The following ZFHX3 variants were observed in gnomAD, a reference collection of about 807,000 sequenced individuals.
ZFHX3 encodes the protein zinc finger homeobox protein 3.
ZFHX3 carries 42 observed loss-of-function variants against 279.1 expected under a neutral mutation model. That is an observed-to-expected ratio of 0.15 (90% CI 0.12 to 0.19). ZFHX3 has a LOEUF of 0.19. ZFHX3 is among the 10% of genes least tolerant of loss of function. The probability of loss-of-function intolerance (pLI) is 1.00; values close to 1 mark genes in which losing one functional copy is unlikely to be tolerated. For synonymous variants in ZFHX3, 2,293 were observed against 1,957.8 expected (o/e 1.17, Z -4.52); for missense variants, 4,981 against 4,754.0 (o/e 1.05, Z -1.40).
intron 1 of ZFHX3, among the ~76,000 whole-genome samples, chr16:73,745,115 T>A (rs1391874493): frequency 2.6e-5 from 4 of 152,208 alleles, no homozygotes; most frequent in Non-Finnish European, 5.9e-5. Flanking sequence ...ACCACTTTTC[T>A]TTATAGGAAG....
At chr16:73,407,889 A>G (rs1239062991) in intron 3 of ZFHX3, among the ~76,000 whole-genome samples, 1 of 152,138 alleles carries the variant, frequency 6.6e-6, no homozygotes, top group African/African-American at 2.4e-5. Context: ...TTTTATGGCA[A>G]AATGCTGGCT....
At chr16:73,446,139 A>T (rs2018181477) in intron 3 of ZFHX3, among the ~76,000 whole-genome samples, 1 of 152,156 alleles carries the variant, frequency 6.6e-6, no homozygotes, top group African/African-American at 2.4e-5. Flanking sequence ...TAAGGTGTGG[A>T]ATCTTAAGTC....
intron 3 of ZFHX3, among the ~76,000 whole-genome samples, chr16:72,928,662 T>C: frequency 6.6e-6 from 1 of 152,208 alleles, no homozygotes; most frequent in Non-Finnish European, 1.5e-5. Flanking sequence ...AGTAGCACTG[T>C]TCTGATCCAC....
exon 7 of ZFHX3, chr16:73,131,023 C>T: frequency 1.5e-6 from 2 of 1,303,240 alleles, no homozygotes; most frequent in South Asian, 1.2e-5. Flanking sequence ...TGGAGTTAGA[C>T]CCCCTGGGCT....
intron 4 of ZFHX3, among the ~76,000 whole-genome samples, chr16:73,281,770 G>T (rs540957761): frequency 6.6e-6 from 1 of 152,234 alleles, no homozygotes; most frequent in African/African-American, 2.4e-5. Context: ...AATATGCATA[G>T]CTTTTTATAT....
intron 1 of ZFHX3, among the ~76,000 whole-genome samples, chr16:73,740,026 A>C (rs1023045361): frequency 1.3e-5 from 2 of 151,998 alleles, no homozygotes; most frequent in African/African-American, 4.8e-5. Context: ...TTGTCATTTC[A>C]TTCAGGAAGG....
At chr16:73,049,701 G>C (rs1399370568), upstream of ZFHX3, among the ~76,000 whole-genome samples, 1 of 152,218 alleles carries the variant, frequency 6.6e-6, no homozygotes, top group East Asian at 1.9e-4. Flanking sequence ...TCACACGTGA[G>C]AGCACGGGGG....
chr16:73,265,015 C>CATATATATATATATATATATATAT (rs59599339), intron 4 of ZFHX3, among the ~76,000 whole-genome samples: 45 of 142,088 alleles, frequency 3.2e-4, no homozygotes, highest in African/African-American at 1.1e-3. Context: ...CACCTCAGTG[C>CATATATATATATATATATATATAT]ATATATATAT....
chr16:73,760,911 G>T (rs1171309808), intron 1 of ZFHX3, among the ~76,000 whole-genome samples: 3 of 151,364 alleles, frequency 2.0e-5, no homozygotes, highest in Non-Finnish European at 4.4e-5. Context: ...CTTGAAAACT[G>T]CCACAAGACA....
chr16:72,828,126 T>G lies in ZFHX3; in HGVS notation c.3529+1653A>C, dbSNP rs192311093. Among the ~76,000 whole-genome samples, 86 of 152,214 alleles carry G rather than the reference T, an allele frequency of 5.6e-4. 1 individual carries two copies. Among genetic ancestry groups the G allele is most frequent in the African/African-American group, 1.9e-3 (78 of 41,520 alleles). ...TCTGTATCTTGTTTAAATAGTGAAGTCCAACACCGAACATGATTTAAGAAC... is the reference window on the plus strand; with the variant it reads ...TCTGTATCTTGTTTAAATAGTGAAGGCCAACACCGAACATGATTTAAGAAC... On this transcript the variant is annotated intron_variant, in intron 5 of 9. Transcript: ENST00000268489.
chr16:73,614,985 C>T (rs1237593295), intron 2 of ZFHX3, among the ~76,000 whole-genome samples: 1 of 151,950 alleles, frequency 6.6e-6, no homozygotes, highest in African/African-American at 2.4e-5. Flanking sequence ...ATCTCGAACT[C>T]CTGGGCTCAA....
At chr16:73,393,532 A>G (rs2017062958) in intron 3 of ZFHX3, among the ~76,000 whole-genome samples, 1 of 152,212 alleles carries the variant, frequency 6.6e-6, no homozygotes, top group Non-Finnish European at 1.5e-5. Flanking sequence ...TAACAAAGGT[A>G]TTTGCGCTGT....
intron 3 of ZFHX3, among the ~76,000 whole-genome samples, chr16:72,925,818 G>A (rs768829010): frequency 2.4e-4 from 37 of 152,212 alleles, no homozygotes; most frequent in Non-Finnish European, 4.0e-4. Flanking sequence ...AGGGTGGGCA[G>A]TGACCATAGC....
chr16:73,635,491 C>T (rs1284591751), intron 2 of ZFHX3, among the ~76,000 whole-genome samples: 1 of 152,208 alleles, frequency 6.6e-6, no homozygotes, highest in Non-Finnish European at 1.5e-5. Flanking sequence ...GTGAGGGGAG[C>T]TGATGTCCTA....
chr16:73,801,426 C>T (rs1960143716), intron 1 of ZFHX3, among the ~76,000 whole-genome samples: 5 of 152,164 alleles, frequency 3.3e-5, no homozygotes, highest in Admixed American at 2.6e-4. Flanking sequence ...TCAATCCTTT[C>T]CTCTGATAGC....
chr16:73,726,172 TC>T (rs2053516917), intron 1 of ZFHX3, among the ~76,000 whole-genome samples: 1 of 152,018 alleles, frequency 6.6e-6, no homozygotes, highest in Admixed American at 6.5e-5. Context: ...CTAGAGAAAG[TC>T]TAGGGGCGAG....
chr16:72,998,878 A>T (rs1303756468), intron 1 of ZFHX3, among the ~76,000 whole-genome samples: 1 of 152,174 alleles, frequency 6.6e-6, no homozygotes, highest in East Asian at 1.9e-4. Flanking sequence ...GGTCCATCAG[A>T]TCGTCTCTCT....
rs764472791 is a variant in ZFHX3 at position 72,958,400 on chromosome 16, T to C, written c.1746A>G (p.Ala582=). 2 of 1,614,080 alleles carry C rather than the reference T, an allele frequency of 1.2e-6. No homozygotes were observed. Among genetic ancestry groups the C allele is most frequent in the Admixed American group, 1.7e-5 (1 of 60,018 alleles). Residue 582 remains alanine (A), a synonymous_variant, in exon 2 of 10, where the codon GCA becomes GCG. Coordinates refer to ENST00000268489, the MANE Select transcript of ZFHX3 (RefSeq NM_006885.4). The part of the protein sequence containing the change: ...FNSEGVRANV[A]EGGRRLDFAD... ...CGAAGTCCAGCCTCCTGCCGCCCTC[T>C]GCCACATTGGCCCTGACGCCCTCAC...
intron 2 of ZFHX3, chr16:73,483,320 A>G: frequency 2.2e-6 from 1 of 448,086 alleles, no homozygotes; most frequent in Non-Finnish European, 4.4e-6. Context: ...AGAGACCAAG[A>G]GCGAGCGAGT....
Sources: allele counts gnomAD v4.1 joint callset (sites outside exome capture counted in the v4.1 genomes callset), GRCh38; gene constraint gnomAD v4.1.1; transcripts MANE v1.5; gene names NCBI Gene and HGNC (gene_info 2026-07-23, HGNC 2026-07-21).